The following PLXNC1 variants were observed in gnomAD, a reference collection of about 807,000 sequenced individuals.
PLXNC1 encodes plexin-C1.
Under a neutral mutation model 178.2 loss-of-function variants are expected in PLXNC1, and 75 were observed. The ratio of observed to expected loss-of-function variants is 0.42; its 90% confidence interval spans 0.35 to 0.51. The LOEUF is 0.51. PLXNC1 is among the 20% of genes least tolerant of loss of function. The probability of loss-of-function intolerance (pLI) is 0.02; values close to 1 mark genes in which losing one functional copy is unlikely to be tolerated. For missense variants in PLXNC1, 1,503 were observed against 1,984.4 expected (o/e 0.76, Z 4.61); for synonymous variants, 790 against 779.9 (o/e 1.01, Z -0.22).
rs1255744244 is a variant in PLXNC1, at chr12:94,303,952, ATC to A, written c.4528-20_4528-19del. ...TTTGGTTACTTTACGTCATTTCAGAATCTCTCAACAAGTCTTTCTTTTAGAAA... is the reference window on the plus strand; with the variant it reads ...TTTGGTTACTTTACGTCATTTCAGAATCTCAACAAGTCTTTCTTTTAGAAA... On this transcript the variant is annotated intron_variant, in intron 29 of 30. Transcript: ENST00000258526. 11 of 1,606,538 alleles carry A rather than the reference ATC, an allele frequency of 6.8e-6. No individual in the cohort carries two copies. In the African/African-American group the frequency reaches 8.0e-5, roughly 12 times the overall value.
At chr12:94,177,545 G>A (rs199781729) in intron 2 of PLXNC1, among the ~76,000 whole-genome samples, 10 of 84,856 alleles carry the variant, frequency 1.2e-4, no homozygotes, top group African/African-American at 3.0e-4. Context: ...AAGAAAGAGA[G>A]AGAAAGAAAA....
chr12:94,190,187 A>G (rs1397084975), intron 4 of PLXNC1, among the ~76,000 whole-genome samples: 9 of 152,148 alleles, frequency 5.9e-5, no homozygotes, highest in Admixed American at 5.2e-4. Context: ...GAAAGGAACA[A>G]TCAGAGAAGA....
intron 3 of PLXNC1, chr12:94,186,113 C>G (rs575698969): frequency 4.5e-5 from 15 of 333,176 alleles, no homozygotes; most frequent in Non-Finnish European, 7.4e-5. Context: ...AAAAATACAA[C>G]TTCCTAGGCT....
chr12:94,278,657 G>A (rs528397671), intron 21 of PLXNC1, among the ~76,000 whole-genome samples: 62 of 152,292 alleles, frequency 4.1e-4, no homozygotes, highest in African/African-American at 1.5e-3. Flanking sequence ...TGTTGAAAGC[G>A]GAGGGGTAGA....
At chr12:94,177,161 G>GTA (rs533538226) in intron 2 of PLXNC1, among the ~76,000 whole-genome samples, 57,693 of 90,368 alleles carry the variant, frequency 0.64, 14,939 homozygotes, top group South Asian at 0.71. Flanking sequence ...ATATATATAT[G>GTA]TATATATATA....
At position 94,237,806 on chromosome 12, in the gene PLXNC1, G is replaced by A. The variant is rs1964282686; in HGVS notation, c.2120+3G>A. 2 of 1,612,722 alleles carry A rather than the reference G, an allele frequency of 1.2e-6. No homozygotes were observed. Among genetic ancestry groups the A allele is most frequent in the Admixed American group, 1.7e-5 (1 of 59,900 alleles). ...ACCAGTACCTGTGATAAGGATGTGT[G>A]AGTCGAAATACTAATAATTTATCCT... On this transcript the variant is annotated splice_donor_region_variant and intron_variant, in intron 10 of 30. Transcript: ENST00000258526.
intron 4 of PLXNC1, among the ~76,000 whole-genome samples, chr12:94,194,604 A>G (rs973081357): frequency 6.6e-6 from 1 of 152,114 alleles, no homozygotes; most frequent in Admixed American, 6.5e-5. Context: ...AAATACAAAA[A>G]TTAGCTGGGT....
At chr12:94,197,434 C>CTCT (rs1565805265) in intron 4 of PLXNC1, among the ~76,000 whole-genome samples, 8 of 10,538 alleles carry the variant, frequency 7.6e-4, no homozygotes, top group African/African-American at 1.5e-3. Flanking sequence ...ACATTAGGCC[C>CTCT]CTTTCTCTCT....
chr12:94,227,408 A>C, intron 9 of PLXNC1, 173 bp downstream of exon 9: 1 of 523,520 alleles, frequency 1.9e-6, no homozygotes, highest in Non-Finnish European at 3.5e-6. Context: ...GCAATACATC[A>C]ATGGCTGGAC....
chr12:94,157,201 A>G (rs906139950), intron 1 of PLXNC1, among the ~76,000 whole-genome samples: 3 of 152,208 alleles, frequency 2.0e-5, no homozygotes, highest in African/African-American at 7.2e-5. Flanking sequence ...CGACTAGAAG[A>G]GGATCAAACA....
intron 4 of PLXNC1, among the ~76,000 whole-genome samples, chr12:94,190,837 T>G (rs1306803235): frequency 6.6e-6 from 1 of 152,240 alleles, no homozygotes; most frequent in Non-Finnish European, 1.5e-5. Flanking sequence ...GGCCTTTGCA[T>G]GTGCTGTTTC....
Position 94,169,179 on chromosome 12 carries a change from C to G in PLXNC1, c.1089C>G (p.Val363=). The G allele has an allele frequency of 6.2e-7, 1 of 1,613,860 alleles. No homozygotes were observed. Residue 363 remains valine, a synonymous_variant, in exon 2 of 31, where the codon GTC becomes GTG. Coordinates refer to ENST00000258526, the MANE Select transcript of PLXNC1 (RefSeq NM_005761.3). ...AAGAAGGGGATCAACCTGAAAGAGT[C>G]CAACCAATCGCATCATCTACCTTGA... The part of the protein sequence containing the change: ...HCKEGDQPER[V]QPIASSTLIH...
At chr12:94,188,765 G>T (rs530094723) in intron 4 of PLXNC1, among the ~76,000 whole-genome samples, 68 of 152,360 alleles carry the variant, frequency 4.5e-4, no homozygotes, top group South Asian at 3.7e-3. Context: ...AAGAAAATAT[G>T]ACTTGGTGTG....
chr12:94,164,549 C>A (rs1054258209), intron 1 of PLXNC1, among the ~76,000 whole-genome samples: 2 of 152,122 alleles, frequency 1.3e-5, no homozygotes, highest in Non-Finnish European at 2.9e-5. Context: ...GACTGGCACC[C>A]CCTGCAGTTG....
chr12:94,256,494 C>T (rs749395243), intron 17 of PLXNC1, among the ~76,000 whole-genome samples: 27 of 151,982 alleles, frequency 1.8e-4, no homozygotes, highest in Admixed American at 1.7e-3. Flanking sequence ...ACCGAGGCAC[C>T]GAGATCTACC....
At chr12:94,202,449 G>A (rs777479764) in intron 4 of PLXNC1, among the ~76,000 whole-genome samples, 1 of 152,220 alleles carries the variant, frequency 6.6e-6, no homozygotes, top group Non-Finnish European at 1.5e-5. Flanking sequence ...AGTGTAGCTG[G>A]AGAGACAGGC....
rs564499646 is a variant in PLXNC1, at chr12:94,163,263, C to T, written c.1063-5890C>T. Among the ~76,000 whole-genome samples the T allele has an allele frequency of 1.1e-3, 164 of 152,118 alleles. 1 individual carries two copies. The highest frequency in any genetic ancestry group is 3.8e-3 in the African/African-American group (159 of 41,500). ...CCTGTAGCTACTCCGGAGGCTGAGG[C>T]AGGAGAATCGCTTGAACCCGGGAGT... On this transcript the variant is annotated intron_variant, in intron 1 of 30. Transcript: ENST00000258526.
intron 3 of PLXNC1, among the ~76,000 whole-genome samples, chr12:94,182,280 T>C (rs1962336006): frequency 6.6e-6 from 1 of 151,910 alleles, no homozygotes; most frequent in African/African-American, 2.4e-5. Flanking sequence ...TGACCGGGCA[T>C]AGTGGCTCAT....
At chr12:94,208,811 G>A (rs1016142699) in intron 4 of PLXNC1, among the ~76,000 whole-genome samples, 2 of 152,204 alleles carry the variant, frequency 1.3e-5, no homozygotes, top group African/African-American at 4.8e-5. Context: ...GGGTTCCCAA[G>A]TTAGTGTGAC....
Sources: allele counts gnomAD v4.1 joint callset (sites outside exome capture counted in the v4.1 genomes callset), GRCh38; gene constraint gnomAD v4.1.1; transcripts MANE v1.5; gene names NCBI Gene and HGNC (gene_info 2026-07-23, HGNC 2026-07-21).